SULF1: variants seen among roughly 807,000 people sequenced by gnomAD.
SULF1 encodes extracellular sulfatase Sulf-1.
Under a neutral mutation model 110.5 loss-of-function variants are expected in SULF1, and 46 were observed. The observed-to-expected ratio is 0.42, with a 90% CI of 0.33 to 0.53. The LOEUF (loss-of-function observed/expected upper bound fraction) is 0.53, where lower values mean the gene tolerates loss of function less well. Among genes scored for constraint, SULF1 ranks in the 20% least tolerant of loss-of-function variants. The pLI is 0.12. For synonymous variants in SULF1, 371 were observed against 387.1 expected (o/e 0.96, Z 0.49); for missense variants, 941 against 1,094.2 (o/e 0.86, Z 1.98).
upstream of SULF1, among the ~76,000 whole-genome samples, chr8:69,489,574 T>C (rs1809840055): frequency 7.3e-6 from 1 of 136,928 alleles, no homozygotes; most frequent in African/African-American, 2.7e-5. Context: ...TCTTTCTCTT[T>C]TTTTTTTTTT....
chr8:69,660,339 ATGATTATTTGTAAGACCTTCACCAAGTTC>A lies in SULF1; in HGVS notation c.*1809_*1837del, dbSNP rs1179822335. The A allele has an allele frequency of 2.0e-5, 3 of 152,252 alleles. No individual in the cohort carries two copies. Among genetic ancestry groups the A allele is most frequent in the African/African-American group, 7.2e-5 (3 of 41,464 alleles). The allele number at this position is 152,252 out of a possible 1,614,324, so 9.4% of individuals were successfully genotyped here. On this transcript the variant is annotated 3_prime_UTR_variant, in exon 23 of 23. Coordinates refer to ENST00000402687, the MANE Select transcript of SULF1 (RefSeq NM_001128205.2). ...AGTTAATTTCTTAACATTGTGTTCT[ATGATTATTTGTAAGACCTTCACCAAGTTC>A]TGATATCTTTTAAAGACATAGTTCA...
intron 3 of SULF1, among the ~76,000 whole-genome samples, chr8:69,506,963 G>T (rs985711683): frequency 6.6e-6 from 1 of 152,216 alleles, no homozygotes; most frequent in African/African-American, 2.4e-5. Flanking sequence ...TTACTTTGCG[G>T]TGATGCTCTC....
In SULF1 at chr8:69,532,073, A is replaced by G. The variant is rs567664827; in HGVS notation, c.-134+30105A>G. Among the ~76,000 whole-genome samples the G allele has an allele frequency of 4.6e-5, 7 of 152,342 alleles. No homozygotes were observed. In the East Asian group the frequency reaches 1.4e-3, roughly 29 times the overall value. ...AGGAACAAGTGAGGGGTTAGGAAGC[A>G]AGAGTTATTCATGAAGCCACTGTGT... On this transcript the variant is annotated intron_variant, in intron 3 of 22. Transcript: ENST00000402687.
At chr8:69,633,805 T>C (rs1472317367) in intron 19 of SULF1, among the ~76,000 whole-genome samples, 2 of 152,180 alleles carry the variant, frequency 1.3e-5, no homozygotes, top group African/African-American at 4.8e-5. Flanking sequence ...AATGCCACCA[T>C]TAACTAGGCA....
At chr8:69,509,590 A>G (rs1274500360) in intron 3 of SULF1, among the ~76,000 whole-genome samples, 1 of 152,208 alleles carries the variant, frequency 6.6e-6, no homozygotes, top group African/African-American at 2.4e-5. Context: ...GCTGCTTTTA[A>G]TATTTGTTGA....
At chr8:69,641,122 GA>G in intron 22 of SULF1, 2 of 326,468 alleles carry the variant, frequency 6.1e-6, no homozygotes, top group Non-Finnish European at 1.1e-5. Context: ...TGATGTGAAG[GA>G]AAAAAAACAG....
At chr8:69,594,740 C>A (rs915301590) in intron 8 of SULF1, among the ~76,000 whole-genome samples, 2 of 152,022 alleles carry the variant, frequency 1.3e-5, no homozygotes, top group Admixed American at 1.3e-4. Flanking sequence ...TTGGGCAGAA[C>A]TCATTGCTCC....
intron 1 of SULF1, among the ~76,000 whole-genome samples, chr8:69,476,252 T>C (rs1222625185): frequency 6.6e-6 from 1 of 152,160 alleles, no homozygotes; most frequent in Non-Finnish European, 1.5e-5. Flanking sequence ...ATTTTATGAT[T>C]TGGGAATGGT....
In SULF1 at chr8:69,556,429, C is replaced by T. The variant is rs78251615; in HGVS notation, c.-133-7110C>T. 8.1e-4 allele frequency among the ~76,000 whole-genome samples: 123 copies of T among 152,334 alleles called. 1 individual carries two copies. Among genetic ancestry groups the T allele is most frequent in the African/African-American group, 2.9e-3 (119 of 41,578 alleles). On this transcript the variant is annotated intron_variant, in intron 3 of 22. Coordinates refer to ENST00000402687, the MANE Select transcript of SULF1 (RefSeq NM_001128205.2). ...TCTAGTTATTGCAGCAACAGGACAA[C>T]ACTGCCCCCATCAGTGTGCATCCAT...
At chr8:69,510,622 T>G (rs1355639805) in intron 3 of SULF1, among the ~76,000 whole-genome samples, 13 of 9,084 alleles carry the variant, frequency 1.4e-3, no homozygotes, top group African/African-American at 2.9e-3. Context: ...TTTTTTTTGT[T>G]TTTTTTTTTT....
At chr8:69,564,206 C>T (rs936755752) in intron 5 of SULF1, 59 bp downstream of exon 5, 1 of 1,582,782 alleles carries the variant, frequency 6.3e-7, no homozygotes, top group Non-Finnish European at 8.7e-7. Context: ...TCTCGAGTCT[C>T]AGGATTATCA....
chr8:69,511,925 A>G (rs1175219220), intron 3 of SULF1, among the ~76,000 whole-genome samples: 2 of 152,194 alleles, frequency 1.3e-5, no homozygotes, highest in Non-Finnish European at 2.9e-5. Context: ...TAAACACTGC[A>G]CAGAATAGCA....
At chr8:69,507,722 A>G (rs1811293487) in intron 3 of SULF1, among the ~76,000 whole-genome samples, 1 of 152,154 alleles carries the variant, frequency 6.6e-6, no homozygotes, top group South Asian at 2.1e-4. Context: ...CAGTTTAGAG[A>G]ATTTGCAAAA....
intron 3 of SULF1, among the ~76,000 whole-genome samples, chr8:69,538,215 T>G (rs1813582394): frequency 6.6e-6 from 1 of 151,372 alleles, no homozygotes; most frequent in African/African-American, 2.4e-5. Context: ...TATACTTTTT[T>G]TTCAAGGAAA....
chr8:69,619,408 AAGTTATTC>A (rs1214742004), intron 13 of SULF1, among the ~76,000 whole-genome samples: 1 of 152,232 alleles, frequency 6.6e-6, no homozygotes, highest in African/African-American at 2.4e-5. Context: ...AATGTAAAAG[AAGTTATTC>A]AGTCTTTAAG....
At chr8:69,572,206 A>G (rs541969343) in intron 5 of SULF1, among the ~76,000 whole-genome samples, 23 of 152,294 alleles carry the variant, frequency 1.5e-4, no homozygotes, top group African/African-American at 5.5e-4. Context: ...CATCTTGAAA[A>G]TGTCAATGTC....
intron 3 of SULF1, among the ~76,000 whole-genome samples, chr8:69,510,943 A>G (rs1054619203): frequency 9.2e-5 from 9 of 98,004 alleles, no homozygotes; most frequent in African/African-American, 3.6e-4. Flanking sequence ...CCATATCATC[A>G]TTACACACAC....
chr8:69,542,396 T>A (rs1253502834), intron 3 of SULF1, among the ~76,000 whole-genome samples: 1 of 151,062 alleles, frequency 6.6e-6, no homozygotes, highest in Non-Finnish European at 1.5e-5. Context: ...TTGCATCAAG[T>A]GCAATGTGTG....
At chr8:69,562,024 T>A (rs1044148453) in intron 3 of SULF1, among the ~76,000 whole-genome samples, 1 of 152,208 alleles carries the variant, frequency 6.6e-6, no homozygotes, top group Non-Finnish European at 1.5e-5. Flanking sequence ...ATTAGTGACT[T>A]CTACAGGGCT....
Sources: allele counts gnomAD v4.1 joint callset (sites outside exome capture counted in the v4.1 genomes callset), GRCh38; gene constraint gnomAD v4.1.1; transcripts MANE v1.5; gene names NCBI Gene and HGNC (gene_info 2026-07-23, HGNC 2026-07-21).